Variants in GSE1 observed in about 807,000 individuals in gnomAD.
GSE1 encodes genetic suppressor element 1.
Under a neutral mutation model 112.6 loss-of-function variants are expected in GSE1, and 32 were observed. The ratio of observed to expected loss-of-function variants is 0.28; its 90% CI spans 0.21 to 0.38. GSE1 has a LOEUF of 0.38. Ranked by LOEUF, GSE1 falls within the 10% of genes least tolerant of loss-of-function variation. The pLI, the probability that GSE1 is intolerant of heterozygous loss-of-function variation, is 1.00. For missense variants in GSE1, 2,348 were observed against 1,699.2 expected (o/e 1.38, Z -6.71); for synonymous variants, 1,115 against 735.6 (o/e 1.52, Z -8.35).
At chr16:85,341,985 C>G (rs1597439999) in intron 1 of GSE1, among the ~76,000 whole-genome samples, 6 of 152,256 alleles carry the variant, frequency 3.9e-5, no homozygotes, top group Admixed American at 3.9e-4. Context: ...TAGAGACCGG[C>G]AGGTGGTCTC....
intron 1 of GSE1, among the ~76,000 whole-genome samples, chr16:85,195,023 T>G (rs1201034228): frequency 1.3e-5 from 2 of 151,908 alleles, no homozygotes; most frequent in African/African-American, 4.8e-5. Flanking sequence ...CTCAGGAGAT[T>G]TGTGAGGTGG....
At chr16:85,491,158 C>G (rs2050998966) in intron 2 of GSE1, among the ~76,000 whole-genome samples, 1 of 152,192 alleles carries the variant, frequency 6.6e-6, no homozygotes. Flanking sequence ...TGAGCCTTCT[C>G]AGCTGCAGGT....
In GSE1 at chr16:85,357,483, A is replaced by C. The variant is rs1020645475; in HGVS notation, c.2304A>C (p.Glu768Asp). The C allele has an allele frequency of 1.8e-5, 22 of 1,242,926 alleles. No individual in the cohort carries two copies. In the African/African-American group the frequency reaches 3.4e-4, roughly 19 times the overall value. The allele number at this position is 1,242,926 out of a possible 1,614,324, so 77.0% of individuals were successfully genotyped here. A position where few individuals can be genotyped will look rare whatever the true frequency, so the allele number is the denominator to read the frequency against. ...TTCAGCCTGTTTGTGGATCTCTGGA[A>C]GCATCTGCAGCCAGCCACCCTCCCA... Residue 768 changes from glutamate to aspartate, a missense_variant, in exon 2 of 3, where the codon GAA becomes GAC. Coordinates refer to the GSE1 transcript ENST00000637419.
chr16:85,543,344 C>G (rs1221426334), intron 2 of GSE1, among the ~76,000 whole-genome samples: 2 of 152,132 alleles, frequency 1.3e-5, no homozygotes, highest in Non-Finnish European at 2.9e-5. Context: ...AAGGCTAAGT[C>G]ATACTACAGT....
intron 1 of GSE1, among the ~76,000 whole-genome samples, chr16:85,617,413 T>A (rs1036884704): frequency 3.9e-5 from 6 of 152,158 alleles, no homozygotes. Flanking sequence ...TGGGTCCTTG[T>A]GACTTGGGGG....
intron 2 of GSE1, among the ~76,000 whole-genome samples, chr16:85,428,200 A>T (rs114014261): frequency 0.011 from 1,717 of 152,290 alleles, 39 homozygotes; most frequent in African/African-American, 0.04. Context: ...CTGGCCCCTC[A>T]TTAGCAGGGC....
chr16:85,367,609 T>C (rs1165455044), intron 2 of GSE1, among the ~76,000 whole-genome samples: 1 of 151,910 alleles, frequency 6.6e-6, no homozygotes, highest in African/African-American at 2.4e-5. Flanking sequence ...GGCAGAGAGT[T>C]CCAGACCAAG....
intron 1 of GSE1, among the ~76,000 whole-genome samples, chr16:85,587,799 G>C (rs983091631): frequency 3.9e-5 from 6 of 152,144 alleles, no homozygotes; most frequent in African/African-American, 1.4e-4. Flanking sequence ...TGGCAAAGAG[G>C]CTGTTCCTCG....
At chr16:85,235,408 A>T in intron 1 of GSE1, among the ~76,000 whole-genome samples, 1 of 109,428 alleles carries the variant, frequency 9.1e-6, no homozygotes, top group Admixed American at 8.5e-5. Flanking sequence ...GGGTGGGGTG[A>T]GGGGGGTGAT....
intron 2 of GSE1, among the ~76,000 whole-genome samples, chr16:85,400,005 C>G (rs1377428241): frequency 6.6e-6 from 1 of 152,186 alleles, no homozygotes; most frequent in Non-Finnish European, 1.5e-5. Context: ...GGGCGCACAG[C>G]AGCCCCTGAG....
chr16:85,663,200 C>A, intron 10 of GSE1, 107 bp downstream of exon 10: 2 of 1,258,544 alleles, frequency 1.6e-6, no homozygotes, highest in South Asian at 1.3e-5. Context: ...GAAGTCCTGG[C>A]GGGTTCGCCC....
At chr16:85,642,915 A>G (rs904033348) in intron 2 of GSE1, among the ~76,000 whole-genome samples, 3 of 151,940 alleles carry the variant, frequency 2.0e-5, no homozygotes, top group African/African-American at 4.8e-5. Context: ...CGGTGAGGCC[A>G]CGCCCGCCTC....
rs1040027424 is a variant in GSE1, at chr16:85,654,885, C to G, written c.691C>G (p.Leu231Val). 6.2e-7 allele frequency: 1 copy of G among 1,611,508 alleles called. No homozygotes were observed. The highest frequency in any genetic ancestry group is 8.5e-7 in the Non-Finnish European group (1 of 1,179,044). ...CCGGCCCTACCACACCACCGACGAC[C>G]TCCGCATGTCCTCACTGCCTCCCCT... ...SFRPYHTTDDLRMSSLPPLGL... is the reference protein window; with the variant it reads ...SFRPYHTTDDVRMSSLPPLGL... Residue 231 changes from leucine to valine, a missense_variant, in exon 5 of 16, where the codon CTC becomes GTC. By Grantham distance (32) the Leu-to-Val change is conservative. Transcript: ENST00000253458.
chr16:85,535,289 T>C (rs1358188795), intron 2 of GSE1, among the ~76,000 whole-genome samples: 1 of 152,222 alleles, frequency 6.6e-6, no homozygotes, highest in East Asian at 1.9e-4. Context: ...AAGGCATCCT[T>C]ACGGAGCCCT....
chr16:85,573,835 G>C (rs1384055284), intron 1 of GSE1, among the ~76,000 whole-genome samples: 2 of 152,168 alleles, frequency 1.3e-5, no homozygotes, highest in African/African-American at 4.8e-5. Context: ...GTGTTTCTGG[G>C]GAACTTCCTG....
At chr16:85,211,393 C>T (rs1474624796) in intron 1 of GSE1, among the ~76,000 whole-genome samples, 1 of 152,050 alleles carries the variant, frequency 6.6e-6, no homozygotes, top group Non-Finnish European at 1.5e-5. Flanking sequence ...GGCGGAGTCC[C>T]ACATCTTGAC....
At chr16:85,555,273 C>G (rs2045143426), upstream of GSE1, 1 of 985,392 alleles carries the variant, frequency 1.0e-6, no homozygotes, top group Non-Finnish European at 1.2e-6. Context: ...CTCGCCTCCC[C>G]GCTCTCCTCC....
chr16:85,268,157 T>TG (rs570275153), intron 1 of GSE1, among the ~76,000 whole-genome samples: 1 of 152,078 alleles, frequency 6.6e-6, no homozygotes, highest in Non-Finnish European at 1.5e-5. Flanking sequence ...CCTGCTGCCT[T>TG]GGGGGGATTG....
rs1027984308 is a variant in GSE1, at chr16:85,668,336, TGAAGATGGA to T, written c.3335_3343del (p.Gly1112_Asp1114del). Reference sequence around the variant, plus strand: ...CGGAGGAGGAGGAAGAGGAGGATGATGAAGATGGAGAAGATGAGGAGGAAGTCCCCAAGC... The same window carrying T: ...CGGAGGAGGAGGAAGAGGAGGATGATGAAGATGAGGAGGAAGTCCCCAAGC... On this transcript the variant is annotated inframe_deletion, in exon 14 of 16. Transcript: ENST00000253458. 6.2e-6 allele frequency: 10 copies of T among 1,612,440 alleles called. No individual in the cohort carries two copies. The highest frequency in any genetic ancestry group is 2.7e-5 in the African/African-American group (2 of 74,552).
Sources: allele counts gnomAD v4.1 joint callset (sites outside exome capture counted in the v4.1 genomes callset), GRCh38; gene constraint gnomAD v4.1.1; transcripts MANE v1.5; gene names NCBI Gene and HGNC (gene_info 2026-07-23, HGNC 2026-07-21).